Variants in THSD7B observed in about 807,000 individuals in gnomAD.
THSD7B encodes thrombospondin type 1 domain containing 7B, also known as thrombospondin type-1 domain-containing protein 7B.
Under a neutral mutation model 213.6 loss-of-function variants are expected in THSD7B, and 138 were observed. That is an observed-to-expected ratio of 0.65 (90% CI 0.56 to 0.74). The LOEUF (loss-of-function observed/expected upper bound fraction) is 0.74. THSD7B is among the 30% of genes least tolerant of loss of function. The pLI, the probability that THSD7B is intolerant of heterozygous loss-of-function variation, is 0.00. For missense variants in THSD7B, 1,931 were observed against 1,991.5 expected (o/e 0.97, Z 0.58); for synonymous variants, 742 against 687.0 (o/e 1.08, Z -1.25).
chr2:137,512,915 C>G (rs1279559357), intron 15 of THSD7B, among the ~76,000 whole-genome samples: 1 of 152,076 alleles, frequency 6.6e-6, no homozygotes, highest in Non-Finnish European at 1.5e-5. Context: ...AGGTCATCTA[C>G]TCAGGATTTC....
At chr2:136,993,614 CA>C (rs1685827271) in intron 2 of THSD7B, among the ~76,000 whole-genome samples, 1 of 152,122 alleles carries the variant, frequency 6.6e-6, no homozygotes, top group Non-Finnish European at 1.5e-5. Flanking sequence ...GTGACATTAC[CA>C]AAAGGTTTAA....
At chr2:137,334,521 T>G (rs1377435) in intron 12 of THSD7B, among the ~76,000 whole-genome samples, 14,359 of 152,106 alleles carry the variant, frequency 0.094, 819 homozygotes, top group Non-Finnish European at 0.12. Context: ...CAATATTAAC[T>G]CCTCTGCATG....
At chr2:136,768,575 G>C (rs369560421) in intron 1 of THSD7B, among the ~76,000 whole-genome samples, 1 of 152,104 alleles carries the variant, frequency 6.6e-6, no homozygotes, top group African/African-American at 2.4e-5. Context: ...ACATGATTAA[G>C]ACAAACAGAT....
At chr2:137,229,069 A>G (rs1242821060) in intron 7 of THSD7B, among the ~76,000 whole-genome samples, 3 of 152,192 alleles carry the variant, frequency 2.0e-5, no homozygotes, top group Admixed American at 2.0e-4. Flanking sequence ...GGAAACTTAC[A>G]ATGTATATTG....
At chr2:137,222,830 T>C (rs1400699051) in intron 7 of THSD7B, among the ~76,000 whole-genome samples, 1 of 151,938 alleles carries the variant, frequency 6.6e-6, no homozygotes, top group African/African-American at 2.4e-5. Context: ...GAGTGTAGAG[T>C]GTTAGCATAA....
intron 12 of THSD7B, among the ~76,000 whole-genome samples, chr2:137,318,569 A>G (rs1684184343): frequency 6.6e-6 from 1 of 152,124 alleles, no homozygotes; most frequent in African/African-American, 2.4e-5. Flanking sequence ...CAGAGGACAA[A>G]GGAGTACAAA....
At chr2:136,987,290 A>G (rs545274935) in intron 2 of THSD7B, among the ~76,000 whole-genome samples, 37 of 152,336 alleles carry the variant, frequency 2.4e-4, no homozygotes, top group African/African-American at 8.4e-4. Context: ...TATGCCTTAT[A>G]TGGGAAAGTA....
chr2:137,121,278 TGA>T (rs1312699447), intron 5 of THSD7B, among the ~76,000 whole-genome samples: 1 of 152,178 alleles, frequency 6.6e-6, no homozygotes, highest in Admixed American at 6.6e-5. Context: ...CCTGGACGAA[TGA>T]GAGAGTCAGG....
At chr2:136,819,771 T>C (rs558993535) in intron 1 of THSD7B, among the ~76,000 whole-genome samples, 2 of 152,108 alleles carry the variant, frequency 1.3e-5, no homozygotes, top group Non-Finnish European at 2.9e-5. Context: ...CTCCCTCCCT[T>C]CTTTCTTCAT....
intron 10 of THSD7B, among the ~76,000 whole-genome samples, chr2:137,259,893 C>T (rs554661201): frequency 6.0e-4 from 91 of 151,934 alleles, no homozygotes; most frequent in Non-Finnish European, 9.7e-4. Flanking sequence ...TAGTTCTCAT[C>T]TTGGGTTTTC....
At chr2:136,999,319 T>A (rs1306664408) in intron 2 of THSD7B, among the ~76,000 whole-genome samples, 1 of 152,202 alleles carries the variant, frequency 6.6e-6, no homozygotes, top group African/African-American at 2.4e-5. Context: ...TGAATCCTTT[T>A]ATCTAACCTT....
rs151081276 is a variant in THSD7B, at chr2:136,908,096, T to A, written c.139+25779T>A. 5.2e-3 allele frequency among the ~76,000 whole-genome samples: 790 copies of A among 152,332 alleles called. 4 individuals carry two copies. The highest frequency in any genetic ancestry group is 0.019 in the South Asian group (90 of 4,832). Reference sequence around the variant, plus strand: ...CTTGATTTAAAACACTTCATTTTTTTAATAGTTTTAATGTGTTTTGTAGAC... The same window carrying A: ...CTTGATTTAAAACACTTCATTTTTTAAATAGTTTTAATGTGTTTTGTAGAC... On this transcript the variant is annotated intron_variant, in intron 2 of 27. Transcript: ENST00000409968.
At chr2:137,531,015 A>T (rs1475287928) in intron 15 of THSD7B, among the ~76,000 whole-genome samples, 2 of 151,990 alleles carry the variant, frequency 1.3e-5, no homozygotes, top group African/African-American at 4.8e-5. Flanking sequence ...ACTACAAAGC[A>T]TTTTCGTAGC....
At chr2:137,333,573 T>C (rs72855303) in intron 12 of THSD7B, among the ~76,000 whole-genome samples, 15,781 of 152,158 alleles carry the variant, frequency 0.1, 981 homozygotes, top group Non-Finnish European at 0.12. Flanking sequence ...ACTTCATCCT[T>C]CTCTGCTCAG....
intron 5 of THSD7B, among the ~76,000 whole-genome samples, chr2:137,123,111 C>T (rs1031208806): frequency 7.2e-5 from 11 of 152,142 alleles, no homozygotes; most frequent in Admixed American, 7.2e-4. Flanking sequence ...TTGTCCTTGG[C>T]TCGTGCTGTG....
At chr2:137,161,388 C>T (rs1029052087) in intron 6 of THSD7B, among the ~76,000 whole-genome samples, 1 of 152,160 alleles carries the variant, frequency 6.6e-6, no homozygotes, top group African/African-American at 2.4e-5. Context: ...AAGCAAGAAT[C>T]CATGGCCAAA....
At chr2:136,931,262 A>T (rs1433719232) in intron 2 of THSD7B, among the ~76,000 whole-genome samples, 1 of 152,192 alleles carries the variant, frequency 6.6e-6, no homozygotes, top group Non-Finnish European at 1.5e-5. Context: ...GCACACATAC[A>T]TGCATGTGTT....
chr2:137,383,556 G>A (rs1259388928), intron 12 of THSD7B, among the ~76,000 whole-genome samples: 1 of 152,240 alleles, frequency 6.6e-6, no homozygotes, highest in African/African-American at 2.4e-5. Context: ...GACTCAGCGA[G>A]TTTGGAGCGC....
chr2:137,137,947 G>A (rs748770933), intron 5 of THSD7B, among the ~76,000 whole-genome samples: 19 of 152,064 alleles, frequency 1.2e-4, no homozygotes, highest in Non-Finnish European at 2.2e-4. Flanking sequence ...TGCTCAGGCT[G>A]GAATGCAGTG....
Sources: allele counts gnomAD v4.1 joint callset (sites outside exome capture counted in the v4.1 genomes callset), GRCh38; gene constraint gnomAD v4.1.1; transcripts MANE v1.5; gene names NCBI Gene and HGNC (gene_info 2026-07-23, HGNC 2026-07-21).